The following PTPRM variants were observed in gnomAD, a reference collection of about 807,000 sequenced individuals.
PTPRM encodes receptor-type tyrosine-protein phosphatase mu.
Under a neutral mutation model 186.7 loss-of-function variants are expected in PTPRM, and 47 were observed. The ratio of observed to expected loss-of-function variants is 0.25; its 90% confidence interval spans 0.20 to 0.32. The LOEUF (loss-of-function observed/expected upper bound fraction) is 0.32. Ranked by LOEUF, PTPRM falls within the 10% of genes least tolerant of loss-of-function variation. The pLI, the probability that PTPRM is intolerant of heterozygous loss-of-function variation, is 1.00. For missense variants in PTPRM, 1,494 were observed against 1,865.0 expected (o/e 0.80, Z 3.66); for synonymous variants, 668 against 674.9 (o/e 0.99, Z 0.16).
In PTPRM at chr18:7,955,237, G is replaced by C; in HGVS notation, c.955G>C (p.Glu319Gln). The C allele has an allele frequency of 1.2e-6, 2 of 1,614,152 alleles. No individual in the cohort carries two copies. The highest frequency in any genetic ancestry group is 1.7e-6 in the Non-Finnish European group (2 of 1,180,032). ...GDGPIVAREV[E>Q]YCTASGSWND... is the part of the protein sequence containing the mutation. ...TGGGCCCATTGTGGCCCGAGAGGTG[G>C]AGTACTGCACGGCCAGTGGGAGCTG... The change falls in exon 7 of 33, where the codon GAG becomes CAG. Residue 319 changes from glutamate to glutamine, a missense_variant. This residue lies in a region of PTPRM where 91 missense variants were observed against 169.3 expected (regional missense o/e 0.54). Coordinates refer to ENST00000580170, the MANE Select transcript of PTPRM (RefSeq NM_001105244.2).
At chr18:7,611,196 A>C (rs59122883) in intron 1 of PTPRM, among the ~76,000 whole-genome samples, 4,116 of 152,344 alleles carry the variant, frequency 0.027, 173 homozygotes, top group African/African-American at 0.093. Flanking sequence ...AAAGTTAAAA[A>C]AAATTAAAAG....
intron 1 of PTPRM, among the ~76,000 whole-genome samples, chr18:7,611,421 C>G (rs1234310665): frequency 2.0e-5 from 3 of 152,152 alleles, no homozygotes; most frequent in Admixed American, 6.5e-5. Context: ...GGTAACTGCC[C>G]TATACAGGTG....
At chr18:7,805,613 A>C (rs1331347973) in intron 2 of PTPRM, among the ~76,000 whole-genome samples, 1 of 152,194 alleles carries the variant, frequency 6.6e-6, no homozygotes, top group African/African-American at 2.4e-5. Context: ...TATTTACTCA[A>C]TACTTACTTG....
At chr18:8,066,427 G>C (rs900800020) in intron 7 of PTPRM, among the ~76,000 whole-genome samples, 1 of 152,154 alleles carries the variant, frequency 6.6e-6, no homozygotes, top group Admixed American at 6.5e-5. Flanking sequence ...ATCTGAAGTG[G>C]ACCATGTCCC....
chr18:8,344,448 G>GTGTGTATA (rs1360655194), intron 23 of PTPRM, among the ~76,000 whole-genome samples: 49 of 33,422 alleles, frequency 1.5e-3, no homozygotes, highest in African/African-American at 3.4e-3. Context: ...GTGTGTGTGT[G>GTGTGTATA]TATATATATA....
intron 14 of PTPRM, among the ~76,000 whole-genome samples, chr18:8,243,399 A>T (rs1428914331): frequency 6.6e-6 from 1 of 152,180 alleles, no homozygotes; most frequent in Admixed American, 6.5e-5. Flanking sequence ...CTTGATGGGA[A>T]CTAATCTGGG....
In PTPRM at chr18:8,248,088, A is replaced by G. The variant is rs887916186; in HGVS notation, c.2528-62A>G. 24 of 1,470,374 alleles carry G rather than the reference A, an allele frequency of 1.6e-5. 1 individual carries two copies. Among genetic ancestry groups the G allele is most frequent in the South Asian group, 7.9e-5 (7 of 88,080 alleles). 91.1% of individuals were successfully genotyped at this position (1,470,374 alleles called of 1,614,324 possible). The stretch of plus-strand genomic sequence containing the variant: ...AGAAAATAGGGGTGGGCATTCATCA[A>G]TCATTTACTGTTCTTTCTCTTTTTA... On this transcript the variant is annotated intron_variant, in intron 16 of 32. Transcript: ENST00000580170.
chr18:8,310,595 C>G (rs1358065505), intron 20 of PTPRM, among the ~76,000 whole-genome samples: 3 of 151,548 alleles, frequency 2.0e-5, no homozygotes, highest in African/African-American at 7.3e-5. Context: ...CTTCAATGTC[C>G]CTTTATTAGG....
intron 1 of PTPRM, among the ~76,000 whole-genome samples, chr18:7,691,066 C>T (rs977769486): frequency 7.9e-5 from 12 of 151,858 alleles, no homozygotes; most frequent in African/African-American, 2.2e-4. Flanking sequence ...TGCCACATCT[C>T]GACTAAGTAA....
At chr18:8,289,537 CATATATATATAT>C (rs375355209) in intron 19 of PTPRM, among the ~76,000 whole-genome samples, 3,831 of 93,710 alleles carry the variant, frequency 0.041, 729 homozygotes, top group South Asian at 0.14. Flanking sequence ...TATATATACA[CATATATATATAT>C]ACATATATAT....
At chr18:7,775,693 T>TA (rs1268474681) in intron 2 of PTPRM, among the ~76,000 whole-genome samples, 1 of 152,214 alleles carries the variant, frequency 6.6e-6, no homozygotes, top group Non-Finnish European at 1.5e-5. Context: ...CCTCATTTGA[T>TA]AAAAAATTTG....
intron 2 of PTPRM, among the ~76,000 whole-genome samples, chr18:7,833,453 G>T (rs1241932143): frequency 6.6e-6 from 1 of 151,768 alleles, no homozygotes; most frequent in Non-Finnish European, 1.5e-5. Context: ...TTGATTTTTG[G>T]CCAGGTGCAG....
chr18:7,950,166 A>G (rs912098052), intron 6 of PTPRM, among the ~76,000 whole-genome samples: 4 of 152,190 alleles, frequency 2.6e-5, no homozygotes, highest in African/African-American at 9.6e-5. Context: ...TAATCCCAGC[A>G]CTTTGAGAAG....
intron 7 of PTPRM, among the ~76,000 whole-genome samples, chr18:8,023,981 C>T (rs943370066): frequency 6.6e-6 from 1 of 152,050 alleles, no homozygotes; most frequent in Non-Finnish European, 1.5e-5. Flanking sequence ...TAATTACTCA[C>T]GTAACTGCTT....
Position 8,348,167 on chromosome 18 carries a change from G to A in PTPRM, c.3054+4647G>A, listed in dbSNP as rs564140428. On this transcript the variant is annotated intron_variant, in intron 23 of 32. Transcript: ENST00000580170. ...TTAACATGTGTACCGCACATAGTGC[G>A]TCCTTCATGCATTAAGCATGAGCTA... Among the ~76,000 whole-genome samples, 81 of 152,382 alleles carry A rather than the reference G, an allele frequency of 5.3e-4. 1 individual carries two copies. The South Asian group carries it at 0.015, about 28-fold the overall frequency.
intron 1 of PTPRM, among the ~76,000 whole-genome samples, chr18:7,578,208 G>A (rs555469128): frequency 6.6e-6 from 1 of 152,166 alleles, no homozygotes; most frequent in East Asian, 1.9e-4. Context: ...TGTCACCCAG[G>A]CTGTAGTGCA....
chr18:8,352,643 TTTTGGTTTGGTTTTTTTTG>T (rs2095540625), intron 23 of PTPRM, among the ~76,000 whole-genome samples: 1 of 115,204 alleles, frequency 8.7e-6, no homozygotes, highest in Non-Finnish European at 1.9e-5. Context: ...TTTTTTTTTT[TTTTGGTTTGGTTTTTTTTG>T]TTTGTTTGTT....
In PTPRM at chr18:8,069,928, C is replaced by A. The variant is rs781436485; in HGVS notation, c.1375C>A (p.Leu459Met). The change falls in exon 8 of 33, where the codon CTG becomes ATG. Residue 459 changes from leucine (L) to methionine (M), a missense_variant. Leu to Met is a conservative substitution (Grantham distance 15). Around this residue, in one of 3 missense-constraint regions of PTPRM, gnomAD observed 1,107 missense variants for 1,350.2 expected, o/e 0.82. Coordinates refer to ENST00000580170, the MANE Select transcript of PTPRM (RefSeq NM_001105244.2). ...ACCATACACCAATGTCAGTGTGAAA[C>A]TGATCCTCATGAACCCAGAGGGCCG... ...LSPYTNVSVKLILMNPEGRKE... is the reference protein window; with the variant it reads ...LSPYTNVSVKMILMNPEGRKE... 3.7e-6 allele frequency: 6 copies of A among 1,614,068 alleles called. No individual in the cohort carries two copies. In the South Asian group the frequency reaches 4.4e-5, roughly 12 times the overall value.
chr18:8,090,228 A>G (rs2090639478), intron 11 of PTPRM, among the ~76,000 whole-genome samples: 1 of 152,094 alleles, frequency 6.6e-6, no homozygotes, highest in African/African-American at 2.4e-5. Context: ...GTCTTTTTTG[A>G]CTTTAAAAGC....
Sources: gnomAD v4.1 joint callset for allele counts (sites outside exome capture counted in the v4.1 genomes callset) on GRCh38, gnomAD v4.1.1 for gene constraint, gnomAD v4.1.1 regional missense constraint, MANE v1.5 for transcripts, NCBI Gene and HGNC (gene_info 2026-07-23, HGNC 2026-07-21) for gene names.